The following ADCY8 variants were observed in gnomAD, a reference collection of about 807,000 sequenced individuals.
ADCY8 encodes the protein adenylate cyclase 8.
Under a neutral mutation model 119.7 loss-of-function variants are expected in ADCY8, and 51 were observed. The ratio of observed to expected loss-of-function variants is 0.43; its 90% CI spans 0.34 to 0.54. ADCY8 has a LOEUF of 0.54. ADCY8 is among the 20% of genes least tolerant of loss of function. The pLI is 0.03. For missense variants in ADCY8, 1,383 were observed against 1,598.8 expected, an observed-to-expected ratio of 0.87 and a Z score of 2.30; for synonymous variants, 665 against 651.0, an observed-to-expected ratio of 1.02 and a Z score of -0.33.
chr8:130,991,596 A>G (rs183412834), intron 1 of ADCY8, among the ~76,000 whole-genome samples: 35 of 152,358 alleles, frequency 2.3e-4, no homozygotes, highest in Admixed American at 1.0e-3. Flanking sequence ...AAACGGAACA[A>G]AACAAAAATC....
At chr8:130,994,592 G>T (rs1342289215) in intron 1 of ADCY8, among the ~76,000 whole-genome samples, 1 of 152,128 alleles carries the variant, frequency 6.6e-6, no homozygotes, top group Non-Finnish European at 1.5e-5. Flanking sequence ...TTTAAATCCA[G>T]TTAAATAAAC....
rs1815029970 is a variant in ADCY8, at chr8:130,780,307, T to TA, written c.*82dup. 23 of 1,062,492 alleles carry TA rather than the reference T, an allele frequency of 2.2e-5. No individual in the cohort carries two copies. Among genetic ancestry groups the TA allele is most frequent in the South Asian group, 4.7e-5 (1 of 21,440 alleles). The allele number at this position is 1,062,492 out of a possible 1,614,324, so 65.8% of individuals were successfully genotyped here. A position where few individuals can be genotyped will look rare whatever the true frequency, so the allele number is the denominator to read the frequency against. ...AAGACCAACGAAACCATCCTTGTTC[T>TA]AAAAAAAATTAAACCTTTTTATTAG... On this transcript the variant is annotated 3_prime_UTR_variant, in exon 18 of 18. Transcript: ENST00000286355.
At chr8:130,914,694 C>G (rs566334579) in intron 5 of ADCY8, among the ~76,000 whole-genome samples, 69 of 152,292 alleles carry the variant, frequency 4.5e-4, no homozygotes, top group African/African-American at 1.6e-3. Flanking sequence ...AATTCTACTC[C>G]TAGCGACAAG....
At position 130,851,390 on chromosome 8, in the gene ADCY8, A is replaced by G. The variant is rs537908731; in HGVS notation, c.2211-1587T>C. 1.3e-3 allele frequency among the ~76,000 whole-genome samples: 196 copies of G among 152,320 alleles called. 1 individual carries two copies. The highest frequency in any genetic ancestry group is 4.5e-3 in the African/African-American group (189 of 41,572). On this transcript the variant is annotated intron_variant, in intron 9 of 17. Transcript: ENST00000286355. The stretch of plus-strand genomic sequence containing the variant: ...ACATTGGGTTAGGCTGTGAAGGTTA[A>G]AGAGAAGGCTTGCAGGTAGGAAAGA...
intron 1 of ADCY8, among the ~76,000 whole-genome samples, chr8:131,008,742 G>A (rs990619066): frequency 6.6e-6 from 1 of 152,194 alleles, no homozygotes; most frequent in Admixed American, 6.5e-5. Flanking sequence ...ACAGGAAAAT[G>A]TGGAAAAGTT....
intron 5 of ADCY8, among the ~76,000 whole-genome samples, chr8:130,924,559 C>A (rs1820405791): frequency 6.6e-6 from 1 of 152,142 alleles, no homozygotes; most frequent in South Asian, 2.1e-4. Flanking sequence ...CCCCTGTAAA[C>A]CCTATGTCTT....
In ADCY8 at chr8:131,039,819, C is replaced by A. The variant is rs766740204; in HGVS notation, c.515G>T (p.Arg172Leu). The stretch of plus-strand genomic sequence containing the variant: ...TTTGCGCCTTTGGCCCAAGAAATAG[C>A]GCTGGTAGAGGCGTTCCAAATCCCG... ...KSRDLERLYQ[R>L]YFLGQRRKSE... Residue 172 changes from arginine to leucine, a missense_variant, in exon 1 of 18, where the codon CGC (arginine) becomes CTC (leucine). Arg to Leu is a moderately radical substitution (Grantham distance 102). Around this residue, in one of 2 missense-constraint regions of ADCY8, gnomAD observed 455 missense variants for 435.3 expected, o/e 1.05. Coordinates refer to ENST00000286355, the MANE Select transcript of ADCY8 (RefSeq NM_001115.3). The A allele has an allele frequency of 6.2e-6, 10 of 1,614,188 alleles. No individual in the cohort carries two copies. The East Asian group carries it at 8.9e-5, about 14-fold the overall frequency.
At chr8:130,872,077 G>T (rs1818383517) in intron 8 of ADCY8, among the ~76,000 whole-genome samples, 1 of 151,962 alleles carries the variant, frequency 6.6e-6, no homozygotes, top group Admixed American at 6.6e-5. Flanking sequence ...TCAGACACTT[G>T]GAACAAATTA....
intron 12 of ADCY8, among the ~76,000 whole-genome samples, chr8:130,831,103 G>T (rs749958442): frequency 1.3e-5 from 2 of 152,262 alleles, no homozygotes; most frequent in Non-Finnish European, 2.9e-5. Flanking sequence ...AAAGCAAATT[G>T]TGCTTATAGG....
chr8:131,034,700 G>C (rs1184403787), intron 1 of ADCY8, among the ~76,000 whole-genome samples: 2 of 152,086 alleles, frequency 1.3e-5, no homozygotes, highest in South Asian at 2.1e-4. Flanking sequence ...AGTTATCTTG[G>C]AGAAATCATC....
chr8:130,824,047 G>A (rs1414391285), intron 12 of ADCY8, among the ~76,000 whole-genome samples: 1 of 152,184 alleles, frequency 6.6e-6, no homozygotes, highest in East Asian at 1.9e-4. Flanking sequence ...CCACGGAGGA[G>A]TAGTCATTTT....
chr8:130,816,134 C>A (rs1419153338), intron 13 of ADCY8, among the ~76,000 whole-genome samples: 3 of 152,062 alleles, frequency 2.0e-5, no homozygotes, highest in East Asian at 3.8e-4. Context: ...CAGTGGATGG[C>A]AAAAGTATGA....
At chr8:130,962,930 C>T (rs1298952296) in intron 2 of ADCY8, among the ~76,000 whole-genome samples, 1 of 152,138 alleles carries the variant, frequency 6.6e-6, no homozygotes, top group Non-Finnish European at 1.5e-5. Flanking sequence ...CGTAGCACAC[C>T]AAGTGCTTCC....
Position 130,957,389 on chromosome 8 carries a change from T to C in ADCY8, c.1111-5391A>G, listed in dbSNP as rs144726455. Among the ~76,000 whole-genome samples the C allele has an allele frequency of 7.2e-3, 1,091 of 152,288 alleles. 17 individuals are homozygous for C. The highest frequency in any genetic ancestry group is 0.024 in the African/African-American group (1,011 of 41,556). On this transcript the variant is annotated intron_variant, in intron 2 of 17. Transcript: ENST00000286355. ...AAGAAATTTTTAAGCAGAAAAGCAT[T>C]CAAGAGATGACTTGGGTGCTGTTGA...
intron 6 of ADCY8, among the ~76,000 whole-genome samples, chr8:130,906,499 C>T (rs180898030): frequency 2.0e-5 from 3 of 152,166 alleles, no homozygotes; most frequent in African/African-American, 7.2e-5. Context: ...GAGATCCTTG[C>T]CTTCACTGAT....
intron 9 of ADCY8, among the ~76,000 whole-genome samples, chr8:130,859,751 T>C (rs897572773): frequency 6.6e-6 from 1 of 152,210 alleles, no homozygotes; most frequent in Non-Finnish European, 1.5e-5. Flanking sequence ...CATTACAGTA[T>C]ACTGAATGCA....
chr8:131,025,120 G>T (rs1391003243), intron 1 of ADCY8, among the ~76,000 whole-genome samples: 1 of 152,146 alleles, frequency 6.6e-6, no homozygotes, highest in Non-Finnish European at 1.5e-5. Flanking sequence ...TAAAATCTGA[G>T]GTGGGTCTTT....
At chr8:130,788,734 T>G (rs902435175) in intron 15 of ADCY8, among the ~76,000 whole-genome samples, 9 of 152,146 alleles carry the variant, frequency 5.9e-5, no homozygotes, top group African/African-American at 2.2e-4. Flanking sequence ...AAACATCACA[T>G]TGTACTCTAT....
chr8:130,925,048 A>G, intron 5 of ADCY8, among the ~76,000 whole-genome samples: 1 of 151,818 alleles, frequency 6.6e-6, no homozygotes, highest in East Asian at 1.9e-4. Context: ...ACAAAAAAAA[A>G]AAAAAAATTA....
Sources: allele counts gnomAD v4.1 joint callset (sites outside exome capture counted in the v4.1 genomes callset), GRCh38; gene constraint gnomAD v4.1.1; regional missense constraint gnomAD v4.1.1; transcripts MANE v1.5; gene names NCBI Gene and HGNC (gene_info 2026-07-23, HGNC 2026-07-21).